EVC: variants seen among roughly 807,000 people sequenced by gnomAD.
The protein encoded by EVC is EvC ciliary complex subunit 1, also known as evC complex member EVC.
A neutral mutation model predicts 118.9 loss-of-function variants in EVC; 116 were observed. The observed-to-expected ratio is 0.98, with a 90% CI of 0.84 to 1.14. The LOEUF (loss-of-function observed/expected upper bound fraction) is 1.14, where lower values mean the gene tolerates loss of function less well. Ranked by LOEUF, EVC falls within the 50% of genes most tolerant of loss-of-function variation. The probability of loss-of-function intolerance (pLI) is 0.00; values close to 1 mark genes in which losing one functional copy is unlikely to be tolerated. For missense variants in EVC, 1,401 were observed against 1,246.4 expected (o/e 1.12, Z -1.87); for synonymous variants, 619 against 534.7 (o/e 1.16, Z -2.18).
chr4:5,817,872 C>A (rs765372522), downstream of EVC, among the ~76,000 whole-genome samples: 4 of 152,168 alleles, frequency 2.6e-5, no homozygotes, highest in Non-Finnish European at 5.9e-5. Flanking sequence ...CTGGTGACAT[C>A]TGAAAATGGT....
chr4:5,745,485 C>G, intron 7 of EVC, 144 bp downstream of exon 7: 1 of 829,384 alleles, frequency 1.2e-6, no homozygotes, highest in East Asian at 2.7e-5. Context: ...GATCCAGTTT[C>G]TGATGCTAAG....
At chr4:5,787,316 A>C (rs1711859893) in intron 12 of EVC, among the ~76,000 whole-genome samples, 1 of 152,264 alleles carries the variant, frequency 6.6e-6, no homozygotes, top group South Asian at 2.1e-4. Context: ...AGGACTTTGC[A>C]AATCTTTGCG....
Position 5,740,360 on chromosome 4 carries a change from A to T in EVC, c.703-1356A>T, listed in dbSNP as rs1367289438. Among the ~76,000 whole-genome samples, 4 of 151,584 alleles carry T rather than the reference A, an allele frequency of 2.6e-5. No individual in the cohort carries two copies. The East Asian group carries it at 7.8e-4, about 29-fold the overall frequency. ...GTGGCACATGCTTGTAATCCCACCT[A>T]CTTGGGAGGCTGAGGTGGGAGAATC... On this transcript the variant is annotated intron_variant, in intron 5 of 20. Coordinates refer to ENST00000264956, the MANE Select transcript of EVC (RefSeq NM_153717.3).
At chr4:5,757,765 T>C (rs1393637023) in intron 11 of EVC, among the ~76,000 whole-genome samples, 1 of 152,142 alleles carries the variant, frequency 6.6e-6, no homozygotes, top group Non-Finnish European at 1.5e-5. Context: ...ATTACCTCCT[T>C]AAAGGCCCTG....
In EVC at chr4:5,753,028, CAGG is replaced by C. The variant is rs772059823; in HGVS notation, c.1295_1297del (p.Glu432del). The C allele has an allele frequency of 6.2e-7, 1 of 1,607,036 alleles. No individual in the cohort carries two copies. The highest frequency in any genetic ancestry group is 1.7e-4 in the Middle Eastern group (1 of 5,856). ...CACGCAGCAGCACAAGGCCTTCTGG[CAGG>C]AGGCAGAGCGCTTCAGCCGGGGTGA... On this transcript the variant is annotated inframe_deletion, in exon 9 of 21. Coordinates refer to ENST00000264956, the MANE Select transcript of EVC (RefSeq NM_153717.3).
At chr4:5,827,746 C>CACACACACACAT in the EVC span, among the ~76,000 whole-genome samples, 615 of 152,052 alleles carry the variant, frequency 4.0e-3, 3 homozygotes, top group African/African-American at 0.014. Context: ...CACACACACA[C>CACACACACACAT]ACACACACGA....
At chr4:5,713,628 G>A (rs1481325655) in intron 1 of EVC, among the ~76,000 whole-genome samples, 3 of 135,302 alleles carry the variant, frequency 2.2e-5, no homozygotes, top group African/African-American at 5.7e-5. Context: ...AGTGAGCCAA[G>A]ATCGCACCAT....
At chr4:5,733,205 G>A (rs1021458579) in intron 4 of EVC, 146 bp from the exon 5 acceptor site, 1 of 739,516 alleles carries the variant, frequency 1.4e-6, no homozygotes, top group South Asian at 1.4e-5. Flanking sequence ...TAAACCTGGA[G>A]TGAGCGTAAG....
intron 18 of EVC, among the ~76,000 whole-genome samples, chr4:5,808,851 C>T (rs1716438440): frequency 6.6e-6 from 1 of 152,176 alleles, no homozygotes; most frequent in African/African-American, 2.4e-5. Context: ...AAGTGGCTGC[C>T]TTTAAAAAAA....
chr4:5,810,360 G>A lies in EVC; in HGVS notation c.2804G>A (p.Arg935Lys). 1 of 1,613,796 alleles carries A rather than the reference G, an allele frequency of 6.2e-7. No individual in the cohort carries two copies. The highest frequency in any genetic ancestry group is 8.5e-7 in the Non-Finnish European group (1 of 1,179,934). The change falls in exon 20 of 21, where the codon AGG becomes AAG. Residue 935 changes from arginine (R) to lysine (K), a missense_variant. Physicochemically the swap from Arg to Lys is conservative, Grantham distance 26 (BLOSUM62 2). Coordinates refer to ENST00000264956, the MANE Select transcript of EVC (RefSeq NM_153717.3). Reference protein sequence around the residue: ...GLLEKPLRTKRKKPLPQERGD... With the variant: ...GLLEKPLRTKKKKPLPQERGD... ...ACAGAGAAGCCCCTAAGGACTAAAAGGAAGAAGCCCCTGCCCCAGGAAAGA... is the reference window on the plus strand; with the variant it reads ...ACAGAGAAGCCCCTAAGGACTAAAAAGAAGAAGCCCCTGCCCCAGGAAAGA...
intron 15 of EVC, among the ~76,000 whole-genome samples, chr4:5,800,313 C>G (rs1714737560): frequency 6.6e-6 from 1 of 152,170 alleles, no homozygotes; most frequent in Admixed American, 6.5e-5. Flanking sequence ...CCACTGCACT[C>G]CAGCCTGGGT....
intron 5 of EVC, among the ~76,000 whole-genome samples, chr4:5,736,455 T>G (rs4689315): frequency 0.9 from 136,036 of 151,826 alleles, 61,227 homozygotes; most frequent in East Asian, 1. Context: ...ACTTTGTGCC[T>G]GCACACCTGG....
At position 5,812,863 on chromosome 4, in the gene EVC, G is replaced by A. The variant is rs1287865777; in HGVS notation, c.*1826G>A. On this transcript the variant is annotated 3_prime_UTR_variant, in exon 21 of 21. Transcript: ENST00000264956. ...TGTCCATGGGGTTATCACCCACTGT[G>A]CTGAGTCAAAGGGTGCCTTGCCCTG... The A allele has an allele frequency of 7.3e-6, 1 of 137,906 alleles. No homozygotes were observed. The highest frequency in any genetic ancestry group is 1.6e-5 in the Non-Finnish European group (1 of 61,486). 8.5% of individuals were successfully genotyped at this position (137,906 alleles called of 1,614,324 possible).
chr4:5,788,736 CTT>C (rs758020082), intron 12 of EVC, among the ~76,000 whole-genome samples: 1 of 152,204 alleles, frequency 6.6e-6, no homozygotes, highest in Non-Finnish European at 1.5e-5. Context: ...CAAAACCACT[CTT>C]GTCTGGGTTA....
At chr4:5,784,281 G>A (rs983242731) in intron 12 of EVC, among the ~76,000 whole-genome samples, 7 of 152,178 alleles carry the variant, frequency 4.6e-5, no homozygotes, top group East Asian at 1.9e-4. Context: ...TGAGCCCAGC[G>A]TAATTGCAAG....
At chr4:5,822,116 C>T in the EVC span, among the ~76,000 whole-genome samples, 50 of 152,376 alleles carry the variant, frequency 3.3e-4, no homozygotes, top group South Asian at 3.3e-3. Flanking sequence ...ATCCGACATT[C>T]CTGAGACAGG....
rs1470938808 is a variant in EVC, at chr4:5,789,852, A to C, written c.1777-3756A>C. 1.3e-5 allele frequency among the ~76,000 whole-genome samples: 2 copies of C among 152,174 alleles called. No homozygotes were observed. Among genetic ancestry groups the C allele is most frequent in the African/African-American group, 4.8e-5 (2 of 41,452 alleles). ...CTCAAAACACGCAGCAAAGACCCCT[A>C]TATACTTTAGTGGCAATGCAGACTC... On this transcript the variant is annotated intron_variant, in intron 12 of 20. Coordinates refer to ENST00000264956, the MANE Select transcript of EVC (RefSeq NM_153717.3). This position sits in a 1 kb window ranked among gnomAD's most constrained non-coding sequence, Gnocchi z 4.3.
At chr4:5,815,244 G>C (rs1381046183), downstream of EVC, among the ~76,000 whole-genome samples, 1 of 152,206 alleles carries the variant, frequency 6.6e-6, no homozygotes, top group African/African-American at 2.4e-5. Context: ...TGGCAGAAGT[G>C]TGAGCTCCAT....
At chr4:5,785,394 C>G (rs894425571) in intron 12 of EVC, among the ~76,000 whole-genome samples, 6 of 152,192 alleles carry the variant, frequency 3.9e-5, no homozygotes, top group Admixed American at 2.0e-4. Flanking sequence ...GTTGGGTTTG[C>G]GATTAGTTAC....
Sources: allele counts gnomAD v4.1 joint callset (sites outside exome capture counted in the v4.1 genomes callset), GRCh38; gene constraint gnomAD v4.1.1; non-coding constraint Gnocchi (gnomAD v3.1); transcripts MANE v1.5; gene names NCBI Gene and HGNC (gene_info 2026-07-23, HGNC 2026-07-21).